NFAT5: variants seen among roughly 807,000 people sequenced by gnomAD.
NFAT5 encodes nuclear factor of activated T-cells 5.
A neutral mutation model predicts 166.5 loss-of-function variants in NFAT5; 31 were observed. The observed-to-expected ratio is 0.19, with a 90% CI of 0.14 to 0.25. The LOEUF (loss-of-function observed/expected upper bound fraction) is 0.25, where lower values mean the gene tolerates loss of function less well. Ranked by LOEUF, NFAT5 falls within the 10% of genes least tolerant of loss-of-function variation. The pLI is 1.00. For synonymous variants in NFAT5, 612 were observed against 639.7 expected (o/e 0.96, Z 0.65); for missense variants, 1,449 against 1,821.8 (o/e 0.80, Z 3.72).
intron 2 of NFAT5, among the ~76,000 whole-genome samples, chr16:69,598,381 A>G (rs886496496): frequency 9.3e-6 from 1 of 107,728 alleles, no homozygotes; most frequent in Non-Finnish European, 2.0e-5. Flanking sequence ...CTGTCTCTTT[A>G]AAAAAAAAAA....
chr16:69,653,987 A>G (rs1347421756), intron 5 of NFAT5, among the ~76,000 whole-genome samples: 1 of 152,148 alleles, frequency 6.6e-6, no homozygotes, highest in African/African-American at 2.4e-5. Context: ...TATCATTTGC[A>G]TCCACTCAAG....
intron 2 of NFAT5, among the ~76,000 whole-genome samples, chr16:69,617,878 C>T (rs530855813): frequency 1.9e-3 from 285 of 152,066 alleles, no homozygotes; most frequent in Non-Finnish European, 3.4e-3. Context: ...TGTGGAAGGC[C>T]GGGCACGGTG....
chr16:69,612,768 G>A (rs1412116926), intron 2 of NFAT5, among the ~76,000 whole-genome samples: 1 of 151,828 alleles, frequency 6.6e-6, no homozygotes, highest in Non-Finnish European at 1.5e-5. Context: ...CAGCTACTCG[G>A]GAGGCTGAGG....
chr16:69,603,485 C>T (rs1276051017), intron 2 of NFAT5, among the ~76,000 whole-genome samples: 6 of 152,064 alleles, frequency 3.9e-5, no homozygotes, highest in African/African-American at 9.7e-5. Flanking sequence ...CAGCCAGGCA[C>T]GGTGGCTCAT....
chr16:69,685,546 TAAA>T (rs148053131), intron 11 of NFAT5: 6 of 134,868 alleles, frequency 4.4e-5, no homozygotes, highest in Non-Finnish European at 8.0e-5. Flanking sequence ...GACCCTGTCT[TAAA>T]AAAAAAAAAA....
At chr16:69,689,916 G>C (rs1265902439) in intron 11 of NFAT5, among the ~76,000 whole-genome samples, 8 of 152,138 alleles carry the variant, frequency 5.3e-5, no homozygotes, top group Non-Finnish European at 1.2e-4. Flanking sequence ...TAGACCATGT[G>C]CCATTTTAAA....
At chr16:69,596,957 G>T (rs901549885) in intron 2 of NFAT5, among the ~76,000 whole-genome samples, 1 of 152,134 alleles carries the variant, frequency 6.6e-6, no homozygotes, top group Non-Finnish European at 1.5e-5. Context: ...AAACAAAGAG[G>T]AGTCCCTGTG....
chr16:69,694,518 G>C (rs922570100), intron 13 of NFAT5, among the ~76,000 whole-genome samples: 1 of 152,200 alleles, frequency 6.6e-6, no homozygotes, highest in Non-Finnish European at 1.5e-5. Flanking sequence ...GCCTCCCAAA[G>C]TGCTGGGATT....
intron 12 of NFAT5, 78 bp downstream of exon 12, chr16:69,691,166 T>A (rs2037531206): frequency 7.7e-7 from 1 of 1,305,382 alleles, no homozygotes; most frequent in Non-Finnish European, 1.0e-6. Flanking sequence ...TTTAACATTA[T>A]TTTTACTTTG....
intron 2 of NFAT5, among the ~76,000 whole-genome samples, chr16:69,585,132 G>A (rs2142943809): frequency 6.6e-6 from 1 of 151,956 alleles, no homozygotes; most frequent in East Asian, 1.9e-4. Context: ...CTAGTAGCTG[G>A]GACTACAGGC....
intron 2 of NFAT5, among the ~76,000 whole-genome samples, chr16:69,590,525 T>G (rs2032397492): frequency 1.3e-5 from 2 of 152,250 alleles, no homozygotes; most frequent in South Asian, 2.1e-4. Flanking sequence ...AAAATTGTTA[T>G]TCATAGCTAC....
At chr16:69,593,101 ATATTTTATG>A (rs1380825177) in intron 2 of NFAT5, among the ~76,000 whole-genome samples, 23 of 152,180 alleles carry the variant, frequency 1.5e-4, no homozygotes, top group Admixed American at 3.9e-4. Context: ...CGTGTTTTGA[ATATTTTATG>A]TATATACATA....
intron 2 of NFAT5, among the ~76,000 whole-genome samples, chr16:69,606,881 G>A (rs1437273064): frequency 6.6e-6 from 1 of 152,144 alleles, no homozygotes; most frequent in South Asian, 2.1e-4. Context: ...AAGGAAAGCT[G>A]TGTATTGTGA....
intron 2 of NFAT5, among the ~76,000 whole-genome samples, chr16:69,599,370 A>C (rs544349113): frequency 6.6e-6 from 1 of 152,278 alleles, no homozygotes; most frequent in East Asian, 1.9e-4. Flanking sequence ...TGAGGTCAGG[A>C]GTTTGAGACC....
intron 9 of NFAT5, 31 bp from the exon 10 acceptor site, chr16:69,677,172 T>C: frequency 6.3e-7 from 1 of 1,585,616 alleles, no homozygotes; most frequent in South Asian, 1.2e-5. Flanking sequence ...TATTGCTTCT[T>C]TTCCAACTCT....
intron 3 of NFAT5, among the ~76,000 whole-genome samples, chr16:69,631,370 G>C (rs1366935989): frequency 2.0e-5 from 3 of 152,056 alleles, no homozygotes; most frequent in African/African-American, 7.2e-5. Context: ...GGCAGAGGTT[G>C]CAGTGAGCCA....
chr16:69,639,195 GTATT>G (rs1483429849), intron 3 of NFAT5, among the ~76,000 whole-genome samples: 3 of 152,050 alleles, frequency 2.0e-5, no homozygotes, highest in Non-Finnish European at 4.4e-5. Context: ...AAAAATCAAA[GTATT>G]TAATGTGTAT....
chr16:69,640,779 C>T (rs1398034411), intron 3 of NFAT5, among the ~76,000 whole-genome samples: 10 of 151,236 alleles, frequency 6.6e-5, no homozygotes, highest in Non-Finnish European at 1.2e-4. Context: ...GTCAGGAGTT[C>T]GAGACCAGCC....
intron 2 of NFAT5, among the ~76,000 whole-genome samples, chr16:69,579,302 A>C (rs985885576): frequency 3.3e-5 from 5 of 152,304 alleles, no homozygotes; most frequent in Non-Finnish European, 7.3e-5. Context: ...AAATAAACAC[A>C]GATGTAATTT....
Sources: allele counts gnomAD v4.1 joint callset (sites outside exome capture counted in the v4.1 genomes callset), GRCh38; gene constraint gnomAD v4.1.1; transcripts MANE v1.5; gene names NCBI Gene and HGNC (gene_info 2026-07-23, HGNC 2026-07-21).